Variants in EDAR observed in about 807,000 individuals in gnomAD.
The protein encoded by EDAR is ectodysplasin A receptor, also known as tumor necrosis factor receptor superfamily member EDAR.
Under a neutral mutation model 51.3 loss-of-function variants are expected in EDAR, and 38 were observed. That is an observed-to-expected ratio of 0.74 (90% CI 0.57 to 0.97). EDAR has a LOEUF of 0.97. Ranked by LOEUF, EDAR falls within the 50% of genes least tolerant of loss-of-function variation. The pLI, the probability that EDAR is intolerant of heterozygous loss-of-function variation, is 0.00. For missense variants in EDAR, 528 were observed against 595.0 expected (o/e 0.89, Z 1.17); for synonymous variants, 227 against 242.1 (o/e 0.94, Z 0.58).
intron 1 of EDAR, among the ~76,000 whole-genome samples, chr2:108,949,371 C>G (rs143559051): frequency 2.2e-4 from 34 of 152,268 alleles, no homozygotes; most frequent in African/African-American, 7.9e-4. Context: ...TGCACAATAT[C>G]TGATAATTTT....
In EDAR at chr2:108,989,041, A is replaced by G. The variant is rs1297083691; in HGVS notation, c.-100T>C. On this transcript the variant is annotated 5_prime_UTR_variant, in exon 1 of 12. Coordinates refer to ENST00000258443, the MANE Select transcript of EDAR (RefSeq NM_022336.4). ...GTCAGGTACCATCCAGTTCTGGGTG[A>G]CAGGCTTCACAGGTGGCCACCGTGG... The G allele has an allele frequency of 6.6e-6, 1 of 152,466 alleles. No individual in the cohort carries two copies. The highest frequency in any genetic ancestry group is 1.5e-5 in the Non-Finnish European group (1 of 68,070). The allele number at this position is 152,466 out of a possible 1,614,324, so 9.4% of individuals were successfully genotyped here.
At chr2:108,901,773 C>T (rs1188724138) in intron 11 of EDAR, among the ~76,000 whole-genome samples, 2 of 152,174 alleles carry the variant, frequency 1.3e-5, no homozygotes, top group African/African-American at 4.8e-5. Flanking sequence ...ATCATTTGAA[C>T]AGACTTATAA....
chr2:108,944,950 T>G (rs1270159326), intron 1 of EDAR, among the ~76,000 whole-genome samples: 1 of 152,170 alleles, frequency 6.6e-6, no homozygotes, highest in Non-Finnish European at 1.5e-5. Flanking sequence ...TGTCCCTGCT[T>G]GGATGTTTCC....
intron 11 of EDAR, among the ~76,000 whole-genome samples, chr2:108,900,920 A>G (rs1457117384): frequency 6.6e-6 from 1 of 152,216 alleles, no homozygotes; most frequent in African/African-American, 2.4e-5. Flanking sequence ...TAGACCTGAA[A>G]GAAGAGATAA....
At chr2:108,980,992 G>T (rs1337825162) in intron 1 of EDAR, among the ~76,000 whole-genome samples, 1 of 152,014 alleles carries the variant, frequency 6.6e-6, no homozygotes, top group Non-Finnish European at 1.5e-5. Flanking sequence ...GGGAATGACT[G>T]CCAGGCAGAG....
chr2:108,968,867 A>G (rs1558838733), intron 1 of EDAR, among the ~76,000 whole-genome samples: 1 of 152,260 alleles, frequency 6.6e-6, no homozygotes, highest in East Asian at 1.9e-4. Flanking sequence ...CTATTTGGCC[A>G]AAGCCCAGTC....
At chr2:108,897,323 GAA>G in intron 11 of EDAR, 94 bp from the exon 12 acceptor site, 6 of 1,274,670 alleles carry the variant, frequency 4.7e-6, no homozygotes, top group Non-Finnish European at 6.5e-6. Context: ...AAAATTATTT[GAA>G]AAAAATTTTT....
chr2:108,911,001 C>A lies in EDAR; in HGVS notation c.601G>T (p.Ala201Ser), dbSNP rs770292889. 6.2e-7 allele frequency: 1 copy of A among 1,614,098 alleles called. No homozygotes were observed. Among genetic ancestry groups the A allele is most frequent in the East Asian group, 2.2e-5 (1 of 44,864 alleles). Reference sequence around the variant, plus strand: ...TAGAACATGATGATGAGGACGATGGCGATGGCCATGATGAAGATGGTGGAC... The same window carrying A: ...TAGAACATGATGATGAGGACGATGGAGATGGCCATGATGAAGATGGTGGAC... ...AMSTIFIMAIAIVLIIMFYIL... is the reference protein window; with the variant it reads ...AMSTIFIMAISIVLIIMFYIL... The change falls in exon 7 of 12, where the codon GCC becomes TCC. Residue 201 changes from alanine (A) to serine (S), a missense_variant. By Grantham distance (99) the Ala-to-Ser change is moderately conservative. Transcript: ENST00000258443.
At chr2:108,907,467 GA>G in intron 10 of EDAR, among the ~76,000 whole-genome samples, 1 of 152,196 alleles carries the variant, frequency 6.6e-6, no homozygotes, top group South Asian at 2.1e-4. Context: ...GCAACACAGT[GA>G]AACCTCGTCT....
In EDAR at chr2:108,989,012, G is replaced by C. The variant is rs1207037322; in HGVS notation, c.-71C>G. On this transcript the variant is annotated 5_prime_UTR_variant, in exon 1 of 12. Coordinates refer to ENST00000258443, the MANE Select transcript of EDAR (RefSeq NM_022336.4). ...TCCCAGCAGAAGATGGGTCTATGAA[G>C]AAAGTCAGGTACCATCCAGTTCTGG... The C allele has an allele frequency of 1.3e-5, 2 of 152,316 alleles. No individual in the cohort carries two copies. The allele number at this position is 152,316 out of a possible 1,614,324, so 9.4% of individuals were successfully genotyped here.
chr2:108,952,759 C>T (rs890275803), intron 1 of EDAR, among the ~76,000 whole-genome samples: 1 of 152,112 alleles, frequency 6.6e-6, no homozygotes, highest in African/African-American at 2.4e-5. Context: ...CCTATTTCTT[C>T]GTATGTGTGG....
intron 6 of EDAR, among the ~76,000 whole-genome samples, chr2:108,911,956 T>C (rs1574372995): frequency 6.6e-6 from 1 of 152,180 alleles, no homozygotes; most frequent in Non-Finnish European, 1.5e-5. Flanking sequence ...AGTGTTTTAA[T>C]ATTCTCCGTG....
chr2:108,958,846 T>C (rs1697979049), intron 1 of EDAR, among the ~76,000 whole-genome samples: 1 of 152,226 alleles, frequency 6.6e-6, no homozygotes, highest in African/African-American at 2.4e-5. Context: ...GATAGTGGGC[T>C]CTCCAGGCTC....
chr2:108,962,656 C>A (rs1206660634), intron 1 of EDAR, among the ~76,000 whole-genome samples: 3 of 110,034 alleles, frequency 2.7e-5, no homozygotes, highest in Admixed American at 1.4e-4. Context: ...GCCTGGGCGA[C>A]AGAGCGAGAC....
At chr2:108,976,910 T>A (rs1698332786) in intron 1 of EDAR, among the ~76,000 whole-genome samples, 1 of 152,130 alleles carries the variant, frequency 6.6e-6, no homozygotes, top group African/African-American at 2.4e-5. Flanking sequence ...CAGCCACTTC[T>A]CCAAGGAGTC....
intron 5 of EDAR, among the ~76,000 whole-genome samples, chr2:108,913,352 C>G (rs912131442): frequency 2.0e-5 from 3 of 152,070 alleles, no homozygotes; most frequent in African/African-American, 7.2e-5. Flanking sequence ...TTTTCCTATG[C>G]GTGGAGACAA....
In EDAR at chr2:108,896,793, G is replaced by A. The variant is rs769136515; in HGVS notation, c.*114C>T. The A allele has an allele frequency of 1.2e-4, 125 of 1,037,808 alleles. No individual in the cohort carries two copies. The highest frequency in any genetic ancestry group is 1.6e-4 in the Non-Finnish European group (116 of 707,050). The allele number at this position is 1,037,808 out of a possible 1,614,324, so 64.3% of individuals were successfully genotyped here. ...GCTCCTTGAACATCCTAAGGCATAC[G>A]GTGACATATCACAAAAGCCTTGATT... On this transcript the variant is annotated 3_prime_UTR_variant, in exon 12 of 12. Transcript: ENST00000258443.
At chr2:108,911,207 G>T in intron 6 of EDAR, 135 bp from the exon 7 acceptor site, 2 of 1,113,640 alleles carry the variant, frequency 1.8e-6, no homozygotes, top group Non-Finnish European at 2.7e-6. Context: ...TGAGGTGCTT[G>T]CTTAGACTGA....
Position 108,911,007 on chromosome 2 carries a change from C to A in EDAR, c.595G>T (p.Ala199Ser). Residue 199 changes from alanine to serine, a missense_variant, in exon 7 of 12, where the codon GCC becomes TCC. Physicochemically the swap from Ala to Ser is moderately conservative, Grantham distance 99. Coordinates refer to ENST00000258443, the MANE Select transcript of EDAR (RefSeq NM_022336.4). Reference sequence around the variant, plus strand: ...ATGATGATGAGGACGATGGCGATGGCCATGATGAAGATGGTGGACATTGCA... The same window carrying A: ...ATGATGATGAGGACGATGGCGATGGACATGATGAAGATGGTGGACATTGCA... ...IIAMSTIFIMAIAIVLIIMFY... is the reference protein window; with the variant it reads ...IIAMSTIFIMSIAIVLIIMFY... The A allele has an allele frequency of 6.2e-7, 1 of 1,614,104 alleles. No individual in the cohort carries two copies. The highest frequency in any genetic ancestry group is 8.5e-7 in the Non-Finnish European group (1 of 1,180,006).
Sources: gnomAD v4.1 joint callset for allele counts (sites outside exome capture counted in the v4.1 genomes callset) on GRCh38, gnomAD v4.1.1 for gene constraint, MANE v1.5 for transcripts, NCBI Gene and HGNC (gene_info 2026-07-23, HGNC 2026-07-21) for gene names.